PAK5: variants seen among roughly 807,000 people sequenced by gnomAD.
PAK5 encodes serine/threonine-protein kinase PAK 5.
PAK5 carries 16 observed loss-of-function variants against 65.9 expected under a neutral mutation model. The observed-to-expected ratio is 0.24, with a 90% CI of 0.16 to 0.37. PAK5 has a LOEUF of 0.37. PAK5 is among the 10% of genes least tolerant of loss of function. The pLI, the probability that PAK5 is intolerant of heterozygous loss-of-function variation, is 1.00. For missense variants in PAK5, 785 were observed against 903.9 expected, an observed-to-expected ratio of 0.87 and a Z score of 1.69; for synonymous variants, 371 against 354.9, an observed-to-expected ratio of 1.05 and a Z score of -0.51.
chr20:9,696,877 C>T (rs2047876701), intron 2 of PAK5, among the ~76,000 whole-genome samples: 1 of 151,938 alleles, frequency 6.6e-6, no homozygotes, highest in Admixed American at 6.6e-5. Flanking sequence ...GGAACTTTCT[C>T]CAAACTTCTC....
At chr20:9,645,838 G>A (rs988093333) in intron 2 of PAK5, among the ~76,000 whole-genome samples, 9 of 152,040 alleles carry the variant, frequency 5.9e-5, no homozygotes, top group East Asian at 5.8e-4. Context: ...CGCCCGCCTC[G>A]GCCTCCCAAA....
chr20:9,571,874 T>TGC (rs1555897687), intron 4 of PAK5, among the ~76,000 whole-genome samples: 6 of 39,350 alleles, frequency 1.5e-4, no homozygotes, highest in Admixed American at 1.0e-3. Context: ...GCATGAATGA[T>TGC]GGGGGGGGGG....
intron 3 of PAK5, among the ~76,000 whole-genome samples, chr20:9,592,577 T>G (rs911838022): frequency 1.3e-5 from 2 of 152,224 alleles, no homozygotes; most frequent in Non-Finnish European, 2.9e-5. Flanking sequence ...AATTATTCCT[T>G]TGTCAAAATA....
At chr20:9,785,449 A>G (rs2048982475) in intron 1 of PAK5, among the ~76,000 whole-genome samples, 1 of 152,204 alleles carries the variant, frequency 6.6e-6, no homozygotes, top group African/African-American at 2.4e-5. Flanking sequence ...AACTGAAAGA[A>G]TCACAGCACA....
chr20:9,663,175 G>A (rs2224611), intron 2 of PAK5, among the ~76,000 whole-genome samples: 74,263 of 151,734 alleles, frequency 0.49, 19,855 homozygotes, highest in Non-Finnish European at 0.62. Flanking sequence ...AAAAACCATT[G>A]CAATGGTAAA....
At chr20:9,623,138 A>G (rs184999028) in intron 3 of PAK5, among the ~76,000 whole-genome samples, 84 of 152,340 alleles carry the variant, frequency 5.5e-4, no homozygotes, top group African/African-American at 1.9e-3. Context: ...AAGAAGAGGA[A>G]TGGAAGACAT....
chr20:9,802,910 G>GTGTGTATATATATATATATATCTATA (rs142279832), intron 1 of PAK5, among the ~76,000 whole-genome samples: 1 of 46,364 alleles, frequency 2.2e-5, no homozygotes. Flanking sequence ...ATATGTATGT[G>GTGTGTATATATATATATATATCTATA]TATATATATA....
chr20:9,627,873 T>C (rs1437413978), intron 3 of PAK5, among the ~76,000 whole-genome samples: 1 of 152,176 alleles, frequency 6.6e-6, no homozygotes, highest in Non-Finnish European at 1.5e-5. Flanking sequence ...GTGATCCTCC[T>C]GCCTCTGCCT....
intron 1 of PAK5, among the ~76,000 whole-genome samples, chr20:9,805,925 T>C (rs552210615): frequency 1.3e-5 from 2 of 152,236 alleles, no homozygotes; most frequent in East Asian, 1.9e-4. Flanking sequence ...AAAACACTAA[T>C]GGTTTAATAG....
rs754435525 is a variant in PAK5, at chr20:9,665,085, G to GTTT, written c.-11-20749_-11-20747dup. On this transcript the variant is annotated intron_variant, in intron 2 of 9. Transcript: ENST00000353224. ...CCACCATGCCCAGCTAAATTTTTCT[G>GTTT]TTTTTTTTTTTTTTTGTAGTGATGA... Among the ~76,000 whole-genome samples the GTTT allele has an allele frequency of 8.1e-4, 80 of 98,892 alleles. 3 individuals are homozygous for GTTT. Among genetic ancestry groups the GTTT allele is most frequent in the African/African-American group, 1.9e-3 (48 of 24,618 alleles). The allele number at this position is 98,892 out of a possible 152,430, so 64.9% of individuals were successfully genotyped here. A position where few individuals can be genotyped will look rare whatever the true frequency, so the allele number is the denominator to read the frequency against.
chr20:9,642,606 T>A (rs2047083648), intron 3 of PAK5, among the ~76,000 whole-genome samples: 1 of 152,216 alleles, frequency 6.6e-6, no homozygotes, highest in Non-Finnish European at 1.5e-5. Context: ...CCCAACTTTT[T>A]AAAGATATGG....
intron 1 of PAK5, among the ~76,000 whole-genome samples, chr20:9,827,462 C>A (rs1433382485): frequency 1.3e-5 from 2 of 152,116 alleles, no homozygotes; most frequent in African/African-American, 4.8e-5. Flanking sequence ...CATGTGTAGG[C>A]ATAAAGCCAG....
At chr20:9,738,211 C>T (rs1032840866) in intron 1 of PAK5, among the ~76,000 whole-genome samples, 9 of 151,968 alleles carry the variant, frequency 5.9e-5, no homozygotes, top group Admixed American at 2.0e-4. Context: ...TACACATTCT[C>T]GGTGGGAATG....
intron 1 of PAK5, among the ~76,000 whole-genome samples, chr20:9,755,704 C>T (rs768185312): frequency 3.9e-5 from 6 of 152,174 alleles, no homozygotes; most frequent in Non-Finnish European, 7.4e-5. Context: ...CCTAAAAAGT[C>T]TCCTGTAAAT....
intron 9 of PAK5, among the ~76,000 whole-genome samples, chr20:9,542,270 T>G (rs541171008): frequency 3.3e-5 from 5 of 152,296 alleles, no homozygotes; most frequent in African/African-American, 1.2e-4. Context: ...CTATTAGATG[T>G]CCCCAGCATG....
At chr20:9,549,130 T>C (rs949496753) in intron 7 of PAK5, among the ~76,000 whole-genome samples, 25 of 152,256 alleles carry the variant, frequency 1.6e-4, no homozygotes, top group African/African-American at 6.0e-4. Flanking sequence ...GTAAAAATCC[T>C]ACAGTCCACC....
intron 1 of PAK5, among the ~76,000 whole-genome samples, chr20:9,717,084 C>CAAAAAAAAAAA (rs58508007): frequency 5.7e-5 from 7 of 122,514 alleles, no homozygotes; most frequent in East Asian, 2.4e-4. Flanking sequence ...GAACTTATCT[C>CAAAAAAAAAAA]AAAAAAAAAA....
intron 2 of PAK5, among the ~76,000 whole-genome samples, chr20:9,672,621 A>C (rs191865462): frequency 6.6e-6 from 1 of 152,042 alleles, no homozygotes; most frequent in Non-Finnish European, 1.5e-5. Flanking sequence ...CTCCTCGGCC[A>C]TGTGGAACTG....
At chr20:9,572,977 G>T (rs16996073) in intron 4 of PAK5, among the ~76,000 whole-genome samples, 15,327 of 152,152 alleles carry the variant, frequency 0.1, 875 homozygotes, top group East Asian at 0.24. Context: ...CTGCTTAGCT[G>T]CAGGGTTACC....
Sources: allele counts gnomAD v4.1 joint callset (sites outside exome capture counted in the v4.1 genomes callset), GRCh38; gene constraint gnomAD v4.1.1; transcripts MANE v1.5; gene names NCBI Gene and HGNC (gene_info 2026-07-23, HGNC 2026-07-21).